CCND2: variants seen among roughly 807,000 people sequenced by gnomAD.
CCND2 encodes the protein G1/S-specific cyclin-D2.
Under a neutral mutation model 30.2 loss-of-function variants are expected in CCND2, and 6 were observed. The observed-to-expected ratio is 0.20, with a 90% CI of 0.11 to 0.39. The LOEUF (loss-of-function observed/expected upper bound fraction) is 0.39. Among genes scored for constraint, CCND2 ranks in the 10% least tolerant of loss-of-function variants. The probability of loss-of-function intolerance (pLI) is 1.00; values close to 1 mark genes in which losing one functional copy is unlikely to be tolerated. For missense variants in CCND2, 235 were observed against 373.4 expected, an observed-to-expected ratio of 0.63 and a Z score of 3.06; for synonymous variants, 150 against 153.1, an observed-to-expected ratio of 0.98 and a Z score of 0.15.
At chr12:4,280,198 T>C (rs3217813) in intron 3 of CCND2, among the ~76,000 whole-genome samples, 1 of 152,270 alleles carries the variant, frequency 6.6e-6, no homozygotes, top group East Asian at 1.9e-4. Context: ...TAAACCGAAG[T>C]GTAGGTTGGA....
rs570842662 is a variant in CCND2 at position 4,300,347 on chromosome 12, G to C, written c.*338G>C. 1 of 275,210 alleles carries C rather than the reference G, an allele frequency of 3.6e-6. No homozygotes were observed. The highest frequency in any genetic ancestry group is 5.3e-5 in the East Asian group (1 of 18,956). 17.0% of individuals were successfully genotyped at this position (275,210 alleles called of 1,614,324 possible). A position where few individuals can be genotyped will look rare whatever the true frequency, so the allele number is the denominator to read the frequency against. On this transcript the variant is annotated 3_prime_UTR_variant, in exon 5 of 5. Coordinates refer to ENST00000261254, the MANE Select transcript of CCND2 (RefSeq NM_001759.4). ...ATGCCTGCAATATGGGAACAAATTA[G>C]AGGAGACTTTTTTTTTTCATGTTAT... is the stretch of plus-strand genomic sequence containing the variant.
chr12:4,289,600 G>C (rs1183052337), intron 4 of CCND2, among the ~76,000 whole-genome samples: 1 of 152,264 alleles, frequency 6.6e-6, no homozygotes, highest in East Asian at 1.9e-4. Context: ...TCCCCATTCT[G>C]TGTGCCCTGT....
intron 4 of CCND2, among the ~76,000 whole-genome samples, chr12:4,289,455 T>G (rs1413313767): frequency 6.6e-6 from 1 of 152,128 alleles, no homozygotes; most frequent in African/African-American, 2.4e-5. Flanking sequence ...GTGAGAACGG[T>G]GTCCGTCCCT....
intron 3 of CCND2, among the ~76,000 whole-genome samples, chr12:4,286,423 A>AT (rs1864023285): frequency 1.3e-5 from 2 of 152,178 alleles, no homozygotes; most frequent in African/African-American, 4.8e-5. Flanking sequence ...TTGCCTCAGT[A>AT]TTTGACTAAC....
chr12:4,296,720 AT>A lies in CCND2; in HGVS notation c.721-3138del, dbSNP rs1417279670. Among the ~76,000 whole-genome samples, 7 of 148,966 alleles carry A rather than the reference AT, an allele frequency of 4.7e-5. No homozygotes were observed. In the South Asian group the frequency reaches 8.5e-4, roughly 18 times the overall value. ...GCCTCTTGGGGAAAAAAAAAAAAAA[AT>A]TGTAAACATCCCCTTCAGCAGCTTC... is the stretch of plus-strand genomic sequence containing the variant. On this transcript the variant is annotated intron_variant, in intron 4 of 4. Transcript: ENST00000261254.
chr12:4,275,872 GT>G, intron 1 of CCND2, 132 bp from the exon 2 acceptor site: 1 of 580,410 alleles, frequency 1.7e-6, no homozygotes, highest in Non-Finnish European at 3.0e-6. Flanking sequence ...ACGCATTCTG[GT>G]CCCCTCCCCC....
rs972472549 is a variant in CCND2, at chr12:4,281,322, C to T, written c.571+2403C>T. On this transcript the variant is annotated intron_variant, in intron 3 of 4. Transcript: ENST00000261254. ...TGGCTGCGTGGAGTTTTACAACAGT[C>T]GGCCTCACAGTACAAACACCGAAGG... 3.3e-5 allele frequency among the ~76,000 whole-genome samples: 5 copies of T among 152,168 alleles called. 1 individual carries two copies. The highest frequency in any genetic ancestry group is 7.2e-5 in the African/African-American group (3 of 41,436).
intron 4 of CCND2, among the ~76,000 whole-genome samples, chr12:4,290,648 G>A (rs1436504559): frequency 1.3e-5 from 2 of 151,350 alleles, no homozygotes; most frequent in Admixed American, 6.6e-5. Flanking sequence ...GCTCTGATGG[G>A]CTGACCACCC....
At position 4,288,754 on chromosome 12, in the gene CCND2, C is replaced by T. The variant is rs895436964; in HGVS notation, c.572-88C>T. 1.9e-5 allele frequency: 26 copies of T among 1,342,786 alleles called. No homozygotes were observed. The East Asian group carries it at 3.9e-4, about 20-fold the overall frequency. The allele number at this position is 1,342,786 out of a possible 1,614,324, so 83.2% of individuals were successfully genotyped here. On this transcript the variant is annotated intron_variant, in intron 3 of 4. Coordinates refer to ENST00000261254, the MANE Select transcript of CCND2 (RefSeq NM_001759.4). ...GTCACTCGCGCCGCTGACCTGCTGC[C>T]GTCCTGTTTCTGAGTCTCTGCAGTC...
intron 4 of CCND2, chr12:4,297,874 G>C (rs1226072599): frequency 6.7e-6 from 3 of 450,992 alleles, no homozygotes; most frequent in Non-Finnish European, 1.3e-5. Flanking sequence ...GCCTCGTTCA[G>C]GGTGGCACGG....
At chr12:4,281,147 T>C (rs768425197) in intron 3 of CCND2, among the ~76,000 whole-genome samples, 23 of 152,194 alleles carry the variant, frequency 1.5e-4, no homozygotes, top group Non-Finnish European at 4.4e-5. Context: ...AATGGTGTGC[T>C]AGGCACTAAG....
Position 4,273,938 on chromosome 12 carries a change from GA to G in CCND2, c.-102del. The G allele has an allele frequency of 1.8e-6, 2 of 1,121,854 alleles. No individual in the cohort carries two copies. The highest frequency in any genetic ancestry group is 2.5e-6 in the Non-Finnish European group (2 of 799,652). The allele number at this position is 1,121,854 out of a possible 1,614,324, so 69.5% of individuals were successfully genotyped here. A position where few individuals can be genotyped will look rare whatever the true frequency, so the allele number is the denominator to read the frequency against. ...AAACCCCCTATTTAGCCAAAGGAAG[GA>G]GGTCAGGGGAACGCTCTCCCCTCCC... On this transcript the variant is annotated 5_prime_UTR_variant, in exon 1 of 5. Coordinates refer to ENST00000261254, the MANE Select transcript of CCND2 (RefSeq NM_001759.4). This position sits in a 1 kb window ranked among gnomAD's most constrained non-coding sequence, Gnocchi z 5.9.
intron 3 of CCND2, among the ~76,000 whole-genome samples, chr12:4,279,668 C>T (rs1330121332): frequency 6.9e-6 from 1 of 144,284 alleles, no homozygotes; most frequent in South Asian, 2.5e-4. Context: ...AAACCAAAGG[C>T]AGTGGTTTGC....
intron 4 of CCND2, among the ~76,000 whole-genome samples, chr12:4,289,827 G>T (rs1415978142): frequency 6.6e-6 from 1 of 152,212 alleles, no homozygotes; most frequent in Non-Finnish European, 1.5e-5. Context: ...GCCAGGAGCG[G>T]GGTGGGCAGT....
chr12:4,297,590 A>AGAAAG (rs1565438139), intron 4 of CCND2, among the ~76,000 whole-genome samples: 12 of 150,822 alleles, frequency 8.0e-5, no homozygotes, highest in African/African-American at 2.9e-4. Flanking sequence ...AAAAAAAAAA[A>AGAAAG]AAAAAAACAG....
intron 3 of CCND2, 22 bp from the exon 4 acceptor site, chr12:4,288,820 T>C: frequency 6.2e-7 from 1 of 1,600,690 alleles, no homozygotes; most frequent in Non-Finnish European, 8.5e-7. Context: ...TGCCCTGACC[T>C]TCTGCCTCTC....
rs1314631068 is a variant in CCND2 at position 4,282,089 on chromosome 12, C to T, written c.571+3170C>T. Among the ~76,000 whole-genome samples the T allele has an allele frequency of 6.6e-6, 1 of 152,140 alleles. No individual in the cohort carries two copies. Among genetic ancestry groups the T allele is most frequent in the African/African-American group, 2.4e-5 (1 of 41,420 alleles). On this transcript the variant is annotated intron_variant, in intron 3 of 4. Transcript: ENST00000261254. This position sits in a 1 kb window ranked among gnomAD's most constrained non-coding sequence, Gnocchi z 4.3. ...CTGATAGAACACCCAGGTCTGCAAG[C>T]GAGGAAAGAAGGCCATTGGAGATGA...
rs1038864543 is a variant in CCND2, at chr12:4,301,100, C to G, written c.*1091C>G. On this transcript the variant is annotated 3_prime_UTR_variant, in exon 5 of 5. Coordinates refer to ENST00000261254, the MANE Select transcript of CCND2 (RefSeq NM_001759.4). The stretch of plus-strand genomic sequence containing the variant: ...CCCCAGTCTGGGTTACTCTTCGCTT[C>G]TGGTATCTGGCGTTCTTTGGTACAC... 4.3e-6 allele frequency: 1 copy of G among 233,530 alleles called. No homozygotes were observed. Among genetic ancestry groups the G allele is most frequent in the African/African-American group, 2.2e-5 (1 of 45,330 alleles). 14.5% of individuals were successfully genotyped at this position (233,530 alleles called of 1,614,324 possible). A position where few individuals can be genotyped will look rare whatever the true frequency, so the allele number is the denominator to read the frequency against.
In CCND2 at chr12:4,301,699, T is replaced by TTTG; in HGVS notation, c.*1690_*1691insTTG. 1.4e-5 allele frequency: 3 copies of TTTG among 212,612 alleles called. No homozygotes were observed. Among genetic ancestry groups the TTTG allele is most frequent in the Non-Finnish European group, 2.8e-5 (3 of 107,962 alleles). 13.2% of individuals were successfully genotyped at this position (212,612 alleles called of 1,614,324 possible). A position where few individuals can be genotyped will look rare whatever the true frequency, so the allele number is the denominator to read the frequency against. ...GTTCAGTTTGGTTTTTTTTTTTTTT[T>TTTG]GCGCTGCTAAGAAGCTAAAGTCATC... On this transcript the variant is annotated 3_prime_UTR_variant, in exon 5 of 5. Transcript: ENST00000261254.
Sources: allele counts gnomAD v4.1 joint callset (sites outside exome capture counted in the v4.1 genomes callset), GRCh38; gene constraint gnomAD v4.1.1; non-coding constraint Gnocchi (gnomAD v3.1); transcripts MANE v1.5; gene names NCBI Gene and HGNC (gene_info 2026-07-23, HGNC 2026-07-21).